AVEN: variants seen among roughly 807,000 people sequenced by gnomAD.
The protein encoded by AVEN is apoptosis and caspase activation inhibitor, also known as cell death regulator Aven.
A neutral mutation model predicts 38.1 loss-of-function variants in AVEN; 41 were observed. That is an observed-to-expected ratio of 1.08 (90% CI 0.84 to 1.40). The LOEUF (loss-of-function observed/expected upper bound fraction) is 1.40, where lower values mean the gene tolerates loss of function less well. Among genes scored for constraint, AVEN ranks in the 40% most tolerant of loss-of-function variants. AVEN has a pLI of 0.00. For missense variants in AVEN, 605 were observed against 438.8 expected, an observed-to-expected ratio of 1.38 and a Z score of -3.38; for synonymous variants, 206 against 171.8, an observed-to-expected ratio of 1.20 and a Z score of -1.56.
chr15:33,945,760 G>A (rs1019629010), intron 2 of AVEN, among the ~76,000 whole-genome samples: 3 of 151,968 alleles, frequency 2.0e-5, no homozygotes, highest in Admixed American at 6.6e-5. Context: ...TAATTTTTTT[G>A]TATTTTCGTA....
At chr15:34,030,164 G>A (rs1441103053) in intron 1 of AVEN, among the ~76,000 whole-genome samples, 1 of 152,110 alleles carries the variant, frequency 6.6e-6, no homozygotes, top group African/African-American at 2.4e-5. Context: ...TGAGGCAGGA[G>A]AATCTCTTGA....
intron 2 of AVEN, among the ~76,000 whole-genome samples, chr15:33,917,833 G>T (rs1893209754): frequency 6.6e-6 from 1 of 152,086 alleles, no homozygotes; most frequent in Non-Finnish European, 1.5e-5. Flanking sequence ...GGGGGTAAGG[G>T]ATAAGACTAC....
intron 2 of AVEN, among the ~76,000 whole-genome samples, chr15:33,939,303 A>G (rs1894220235): frequency 6.6e-6 from 1 of 152,234 alleles, no homozygotes; most frequent in Admixed American, 6.5e-5. Flanking sequence ...TCATTAATTA[A>G]TTACAATTCA....
intron 2 of AVEN, among the ~76,000 whole-genome samples, chr15:33,895,022 C>A (rs1892177116): frequency 6.6e-6 from 1 of 151,634 alleles, no homozygotes; most frequent in Non-Finnish European, 1.5e-5. Flanking sequence ...ATAGCAAGAT[C>A]CCAGAATGTT....
chr15:34,039,076 G>T lies in AVEN; in HGVS notation c.-30C>A. 9.2e-7 allele frequency: 1 copy of T among 1,083,834 alleles called. No homozygotes were observed. Among genetic ancestry groups the T allele is most frequent in the South Asian group, 4.4e-5 (1 of 22,888 alleles). 67.1% of individuals were successfully genotyped at this position (1,083,834 alleles called of 1,614,324 possible). ...CCGCCGCTGGCGGTGCTGAGCGCGC[G>T]GGAGCCGAGCTGCGGCGGAGACGCC... On this transcript the variant is annotated 5_prime_UTR_variant, in exon 1 of 6. Coordinates refer to ENST00000306730, the MANE Select transcript of AVEN (RefSeq NM_020371.3).
intron 11 of AVEN, chr15:33,859,484 C>G: frequency 1.4e-6 from 2 of 1,473,196 alleles, no homozygotes; most frequent in Non-Finnish European, 9.4e-7. Context: ...AGGGCTGCCA[C>G]AATCTGACCG....
intron 1 of AVEN, among the ~76,000 whole-genome samples, chr15:34,013,824 A>G (rs1352155366): frequency 6.6e-6 from 1 of 152,138 alleles, no homozygotes; most frequent in Non-Finnish European, 1.5e-5. Flanking sequence ...GGCTGAGGGA[A>G]GAGTATGTAC....
At chr15:34,073,718 G>A (rs1037760141) in intron 1 of AVEN, among the ~76,000 whole-genome samples, 1 of 149,000 alleles carries the variant, frequency 6.7e-6, no homozygotes, top group African/African-American at 2.5e-5. Flanking sequence ...ATGGGGTCTC[G>A]CCATGTTGGC....
intron 5 of AVEN, among the ~76,000 whole-genome samples, chr15:34,055,520 G>A (rs1900107036): frequency 1.3e-5 from 2 of 149,454 alleles, no homozygotes; most frequent in South Asian, 4.3e-4. Flanking sequence ...AATAAATATA[G>A]GCTGGGCACA....
At chr15:33,965,735 T>A (rs942635492) in intron 2 of AVEN, among the ~76,000 whole-genome samples, 1 of 151,988 alleles carries the variant, frequency 6.6e-6, no homozygotes, top group Admixed American at 6.6e-5. Context: ...ATTATATGTA[T>A]CAAAGAAAAC....
rs1490234928 is a variant in AVEN, at chr15:33,886,229, C to T, written c.446-10234G>A. On this transcript the variant is annotated intron_variant, in intron 2 of 5. Transcript: ENST00000306730. Reference sequence around the variant, plus strand: ...TAATCCCCACGAGTCATGAAAGGGACCCAGTGGGAGATAACGGAATCATGG... The same window carrying T: ...TAATCCCCACGAGTCATGAAAGGGATCCAGTGGGAGATAACGGAATCATGG... Among the ~76,000 whole-genome samples the T allele has an allele frequency of 3.3e-5, 5 of 152,290 alleles. No homozygotes were observed. In the South Asian group the frequency reaches 6.2e-4, roughly 19 times the overall value.
At chr15:33,934,992 C>A (rs1894003807) in intron 2 of AVEN, among the ~76,000 whole-genome samples, 1 of 152,108 alleles carries the variant, frequency 6.6e-6, no homozygotes, top group Non-Finnish European at 1.5e-5. Flanking sequence ...TGAAAATCTT[C>A]CAGATTTTCA....
intron 2 of AVEN, among the ~76,000 whole-genome samples, chr15:33,958,808 A>G (rs944711058): frequency 2.0e-5 from 3 of 152,004 alleles, no homozygotes; most frequent in Admixed American, 6.6e-5. Flanking sequence ...TCATTTTCCA[A>G]TTCATCCTCT....
At chr15:33,951,537 T>C (rs542235533) in intron 2 of AVEN, among the ~76,000 whole-genome samples, 2 of 150,240 alleles carry the variant, frequency 1.3e-5, no homozygotes, top group Admixed American at 1.3e-4. Context: ...GTTGTGCACA[T>C]GTACCCTAGA....
chr15:33,962,196 C>T (rs1195234391), intron 2 of AVEN, among the ~76,000 whole-genome samples: 2 of 152,092 alleles, frequency 1.3e-5, no homozygotes, highest in African/African-American at 4.8e-5. Context: ...AAAAAAGGAC[C>T]TATTTAAAAA....
intron 2 of AVEN, among the ~76,000 whole-genome samples, chr15:33,876,465 G>C (rs556555916): frequency 1.3e-5 from 2 of 152,076 alleles, no homozygotes; most frequent in African/African-American, 4.8e-5. Context: ...CCACCTACTT[G>C]GGAGGCTGAG....
chr15:33,854,729 C>G (rs774074918), downstream of AVEN: 5 of 1,577,336 alleles, frequency 3.2e-6, no homozygotes, highest in South Asian at 6.0e-5. Flanking sequence ...CACTATGAGG[C>G]AAACATGCTT....
downstream of AVEN, among the ~76,000 whole-genome samples, chr15:33,861,480 C>CT (rs34330524): frequency 0.62 from 91,980 of 148,078 alleles, 31,494 homozygotes; most frequent in Non-Finnish European, 0.78. Context: ...TATAAATATG[C>CT]TTTTTTTTTT....
At chr15:34,003,241 G>T in intron 1 of AVEN, 32 bp from the exon 2 acceptor site, 1 of 1,606,866 alleles carries the variant, frequency 6.2e-7, no homozygotes. Context: ...CAATAAGTAA[G>T]CAGTGGAAAT....
Sources: allele counts gnomAD v4.1 joint callset (sites outside exome capture counted in the v4.1 genomes callset), GRCh38; gene constraint gnomAD v4.1.1; transcripts MANE v1.5; gene names NCBI Gene and HGNC (gene_info 2026-07-23, HGNC 2026-07-21).